CDHR3: variants seen among roughly 807,000 people sequenced by gnomAD.
CDHR3 encodes cadherin related family member 3, also known as cadherin-related family member 3.
Under a neutral mutation model 86.6 loss-of-function variants are expected in CDHR3, and 79 were observed. The ratio of observed to expected loss-of-function variants is 0.91; its 90% CI spans 0.76 to 1.10. The LOEUF is 1.10. CDHR3 is among the 50% of genes least tolerant of loss of function. CDHR3 has a pLI of 0.00. For synonymous variants in CDHR3, 421 were observed against 402.4 expected (o/e 1.05, Z -0.55); for missense variants, 1,081 against 1,077.6 (o/e 1.00, Z -0.04).
Position 106,001,600 on chromosome 7 carries a change from G to A in CDHR3, c.852G>A (p.Met284Ile). 1 of 1,613,920 alleles carries A rather than the reference G, an allele frequency of 6.2e-7. No homozygotes were observed. Among genetic ancestry groups the A allele is most frequent in the South Asian group, 1.1e-5 (1 of 91,072 alleles). The stretch of plus-strand genomic sequence containing the variant: ...TTACCACTGTTAGCAAATATTTCAT[G>A]ATAAATCAGTGTAAGCCACTCACTT... The part of the protein sequence containing the change: ...YSITTVSKYF[M>I]INQLTGTIQV... Residue 284 changes from methionine to isoleucine, a missense_variant, in exon 7 of 19, where the codon ATG (methionine) becomes ATA (isoleucine). Coordinates refer to ENST00000317716, the MANE Select transcript of CDHR3 (RefSeq NM_152750.5).
chr7:106,004,829 T>C (rs1368672143), intron 8 of CDHR3, 142 bp downstream of exon 8: 2 of 759,878 alleles, frequency 2.6e-6, no homozygotes, highest in Non-Finnish European at 4.3e-6. Flanking sequence ...AACTGTTCAC[T>C]GTTGTCCACA....
intron 1 of CDHR3, among the ~76,000 whole-genome samples, chr7:105,969,943 A>G (rs1254945760): frequency 1.3e-5 from 2 of 152,166 alleles, no homozygotes; most frequent in Admixed American, 1.3e-4. Context: ...GAACCCCCAG[A>G]GAAGTCAAGG....
intron 2 of CDHR3, among the ~76,000 whole-genome samples, chr7:105,980,410 ATTTTTAT>A (rs1829462020): frequency 7.2e-6 from 1 of 138,104 alleles, no homozygotes; most frequent in Admixed American, 7.3e-5. Flanking sequence ...TTATGGTTCT[ATTTTTAT>A]TTTTTATTTA....
At chr7:106,024,827 G>A (rs1217800310) in intron 15 of CDHR3, among the ~76,000 whole-genome samples, 2 of 152,118 alleles carry the variant, frequency 1.3e-5, no homozygotes, top group Non-Finnish European at 2.9e-5. Flanking sequence ...AATAAGACTG[G>A]GGCATCAACC....
chr7:106,035,610 TAC>T lies in CDHR3; in HGVS notation c.*2915_*2916del, dbSNP rs1838853451. On this transcript the variant is annotated 3_prime_UTR_variant, in exon 19 of 19. Transcript: ENST00000317716. ...TGAGCAAGTGACTCAAGGGCCCAGA[TAC>T]AGTCTTCTCAGTCCAAATACCCCTT... Among the ~76,000 whole-genome samples the T allele has an allele frequency of 6.6e-6, 1 of 152,204 alleles. No homozygotes were observed. The highest frequency in any genetic ancestry group is 1.5e-5 in the Non-Finnish European group (1 of 68,034).
chr7:106,012,928 A>G lies in CDHR3; in HGVS notation c.1121A>G (p.Asp374Gly), dbSNP rs1835040297. The G allele has an allele frequency of 1.2e-6, 2 of 1,613,662 alleles. No homozygotes were observed. Among genetic ancestry groups the G allele is most frequent in the Admixed American group, 1.7e-5 (1 of 59,960 alleles). Residue 374 changes from aspartate (D) to glycine (G), a missense_variant, in exon 9 of 19, where the codon GAT (aspartate) becomes GGT (glycine). Asp to Gly is a moderately conservative substitution (Grantham distance 94). Transcript: ENST00000317716. ...LLDLNKFCFD[D>G]DSEAPNNRFN... ...GACCTAAACAAGTTCTGCTTTGATGATGACAGTGAGGCACCAAACAACAGA... is the reference window on the plus strand; with the variant it reads ...GACCTAAACAAGTTCTGCTTTGATGGTGACAGTGAGGCACCAAACAACAGA...
At position 106,012,890 on chromosome 7, in the gene CDHR3, G is replaced by C; in HGVS notation, c.1083G>C (p.Gly361=). The C allele has an allele frequency of 6.2e-7, 1 of 1,611,348 alleles. No homozygotes were observed. Among genetic ancestry groups the C allele is most frequent in the Non-Finnish European group, 8.5e-7 (1 of 1,178,910 alleles). The change falls in exon 9 of 19, where the codon GGG becomes GGC. Residue 361 remains glycine, a synonymous_variant. Coordinates refer to ENST00000317716, the MANE Select transcript of CDHR3 (RefSeq NM_152750.5). ...SIMVPERTAK[G]TLLLDLNKFC... ...TGGTGCCGGAAAGAACAGCCAAGGG[G>C]ACGTTGCTTCTTGACCTAAACAAGT...
At chr7:106,006,739 T>C (rs1833991792) in intron 8 of CDHR3, among the ~76,000 whole-genome samples, 1 of 152,190 alleles carries the variant, frequency 6.6e-6, no homozygotes, top group African/African-American at 2.4e-5. Context: ...TGGGCTGGCA[T>C]TGAGTGCCTG....
In CDHR3 at chr7:105,970,957, C is replaced by T. The variant is rs111924626; in HGVS notation, c.47-3887C>T. Among the ~76,000 whole-genome samples, 991 of 151,960 alleles carry T rather than the reference C, an allele frequency of 6.5e-3. 15 individuals carry two copies. The highest frequency in any genetic ancestry group is 0.023 in the African/African-American group (944 of 41,448). ...GAGATCAAGACCATCCTGGCTAACACGGTGAAACTCCGTCTCTACTAAAAA... is the reference window on the plus strand; with the variant it reads ...GAGATCAAGACCATCCTGGCTAACATGGTGAAACTCCGTCTCTACTAAAAA... On this transcript the variant is annotated intron_variant, in intron 1 of 18. Transcript: ENST00000317716.
intron 4 of CDHR3, among the ~76,000 whole-genome samples, chr7:105,994,334 C>T (rs1831854197): frequency 6.6e-6 from 1 of 151,404 alleles, no homozygotes; most frequent in Non-Finnish European, 1.5e-5. Context: ...GTCCTATTAC[C>T]TAGTGGGTAG....
intron 6 of CDHR3, among the ~76,000 whole-genome samples, chr7:106,000,632 G>A (rs944019601): frequency 1.3e-5 from 2 of 152,164 alleles, no homozygotes; most frequent in African/African-American, 4.8e-5. Flanking sequence ...TAAACAATAA[G>A]CCTCCCTTAG....
intron 6 of CDHR3, among the ~76,000 whole-genome samples, chr7:105,996,899 C>T (rs1409910213): frequency 6.6e-6 from 1 of 151,962 alleles, no homozygotes; most frequent in African/African-American, 2.4e-5. Context: ...GTAAATGCAT[C>T]GGGTGGAGGG....
At position 106,032,531 on chromosome 7, in the gene CDHR3, G is replaced by C; in HGVS notation, c.2492G>C (p.Gly831Ala). ...PRRVTAGEGM[G>A]SLRSANWEED... ...AGAGTCACTGCTGGGGAAGGGATGG[G>C]GTCACTGAGAAGTGCCAACTGGGAA... The change falls in exon 19 of 19, where the codon GGG becomes GCG. Residue 831 changes from glycine (G) to alanine (A), a missense_variant. Coordinates refer to ENST00000317716, the MANE Select transcript of CDHR3 (RefSeq NM_152750.5). The C allele has an allele frequency of 6.2e-7, 1 of 1,613,956 alleles. No homozygotes were observed. The highest frequency in any genetic ancestry group is 8.5e-7 in the Non-Finnish European group (1 of 1,179,856).
intron 4 of CDHR3, among the ~76,000 whole-genome samples, chr7:105,987,828 G>C (rs1830742875): frequency 6.6e-6 from 1 of 152,230 alleles, no homozygotes; most frequent in South Asian, 2.1e-4. Flanking sequence ...CATTGTCTGA[G>C]AACAATTTTG....
intron 1 of CDHR3, among the ~76,000 whole-genome samples, chr7:105,970,675 A>T (rs1457109175): frequency 6.6e-6 from 1 of 152,140 alleles, no homozygotes; most frequent in East Asian, 1.9e-4. Flanking sequence ...ACTTAAGCTT[A>T]CCTGTATAAC....
chr7:106,020,577 G>T, intron 13 of CDHR3, 33 bp downstream of exon 13: 1 of 1,591,942 alleles, frequency 6.3e-7, no homozygotes, highest in Non-Finnish European at 8.6e-7. Flanking sequence ...TCCTGGCCCT[G>T]TCTCTGAGGA....
Position 106,020,493 on chromosome 7 carries a change from T to G in CDHR3, c.1774T>G (p.Cys592Gly). ...AAATATTCAGAATTTCAAGCTGACATGTACCGACCTTGATTCCAGCCCCAG... is the reference window on the plus strand; with the variant it reads ...AAATATTCAGAATTTCAAGCTGACAGGTACCGACCTTGATTCCAGCCCCAG... ...GTNIQNFKLT[C>G]TDLDSSPRSF... Residue 592 changes from cysteine to glycine, a missense_variant, in exon 13 of 19, where the codon TGT becomes GGT. Cys to Gly is a radical substitution (Grantham distance 159). Transcript: ENST00000317716. 6.2e-7 allele frequency: 1 copy of G among 1,614,008 alleles called. No individual in the cohort carries two copies. The highest frequency in any genetic ancestry group is 8.5e-7 in the Non-Finnish European group (1 of 1,179,886).
At chr7:105,980,594 T>G (rs1394143811) in intron 2 of CDHR3, among the ~76,000 whole-genome samples, 30 of 98,720 alleles carry the variant, frequency 3.0e-4, no homozygotes, top group African/African-American at 7.2e-4. Context: ...GGTTTTTTTT[T>G]TTTTTTTTTT....
chr7:105,990,311 A>G (rs895655088), intron 4 of CDHR3, among the ~76,000 whole-genome samples: 1 of 152,184 alleles, frequency 6.6e-6, no homozygotes, highest in African/African-American at 2.4e-5. Flanking sequence ...CATCCTCAGA[A>G]CAATGAACCA....
Sources: gnomAD v4.1 joint callset for allele counts (sites outside exome capture counted in the v4.1 genomes callset) on GRCh38, gnomAD v4.1.1 for gene constraint, MANE v1.5 for transcripts, NCBI Gene and HGNC (gene_info 2026-07-23, HGNC 2026-07-21) for gene names.